SLC25A26: variants seen among roughly 807,000 people sequenced by gnomAD.
The protein encoded by SLC25A26 is solute carrier family 25 member 26, also known as mitochondrial S-adenosylmethionine carrier protein.
Under a neutral mutation model 37.8 loss-of-function variants are expected in SLC25A26, and 36 were observed. The observed-to-expected ratio is 0.95, with a 90% CI of 0.73 to 1.26. SLC25A26 has a LOEUF of 1.26. Ranked by LOEUF, SLC25A26 falls within the 50% of genes most tolerant of loss-of-function variation. The pLI is 0.00. For synonymous variants in SLC25A26, 129 were observed against 122.5 expected, an observed-to-expected ratio of 1.05 and a Z score of -0.35; for missense variants, 390 against 331.1, an observed-to-expected ratio of 1.18 and a Z score of -1.38.
At chr3:66,138,487 A>G (rs2069982194) in intron 1 of SLC25A26, among the ~76,000 whole-genome samples, 1 of 151,878 alleles carries the variant, frequency 6.6e-6, no homozygotes, top group Non-Finnish European at 1.5e-5. Context: ...CTTGGCACTC[A>G]AAATCCATCC....
chr3:66,350,640 A>G (rs749417300), intron 6 of SLC25A26, among the ~76,000 whole-genome samples: 5 of 152,160 alleles, frequency 3.3e-5, no homozygotes, highest in African/African-American at 9.6e-5. Context: ...TTGGCATTCA[A>G]GTTTCTCAAC....
At chr3:66,372,455 C>G (rs1700399007) in intron 9 of SLC25A26, among the ~76,000 whole-genome samples, 1 of 152,186 alleles carries the variant, frequency 6.6e-6, no homozygotes, top group South Asian at 2.1e-4. Context: ...ATGTCTTATA[C>G]TTGACGTTAT....
At chr3:66,177,866 A>G (rs543803401) in intron 1 of SLC25A26, among the ~76,000 whole-genome samples, 1 of 152,344 alleles carries the variant, frequency 6.6e-6, no homozygotes. Flanking sequence ...GGCCACCCAG[A>G]AAGGTGTTGA....
chr3:66,293,407 G>A (rs1171314880), intron 5 of SLC25A26, among the ~76,000 whole-genome samples: 4 of 151,214 alleles, frequency 2.6e-5, no homozygotes, highest in African/African-American at 4.9e-5. Context: ...TTAGGTTCAG[G>A]GGTACATGTA....
intron 2 of SLC25A26, among the ~76,000 whole-genome samples, chr3:66,241,986 G>C (rs2072607873): frequency 6.6e-6 from 1 of 151,486 alleles, no homozygotes; most frequent in African/African-American, 2.4e-5. Flanking sequence ...GCTTTAACTT[G>C]TTCAGCCCCC....
intron 1 of SLC25A26, among the ~76,000 whole-genome samples, chr3:66,150,342 A>G (rs1045697703): frequency 2.0e-5 from 3 of 150,742 alleles, no homozygotes; most frequent in African/African-American, 7.3e-5. Flanking sequence ...TACTAAAAAT[A>G]CAAAAATTAG....
chr3:66,352,567 T>A (rs2076483489), intron 6 of SLC25A26, among the ~76,000 whole-genome samples: 1 of 152,012 alleles, frequency 6.6e-6, no homozygotes, highest in African/African-American at 2.4e-5. Flanking sequence ...TTTGATTTTT[T>A]TCATATTTTT....
chr3:66,180,778 T>C (rs2070688854), intron 1 of SLC25A26, among the ~76,000 whole-genome samples: 1 of 152,084 alleles, frequency 6.6e-6, no homozygotes, highest in Non-Finnish European at 1.5e-5. Context: ...ATCTATTGCT[T>C]GTCTGTTATG....
intron 5 of SLC25A26, among the ~76,000 whole-genome samples, chr3:66,298,070 C>G (rs371036553): frequency 3.0e-4 from 46 of 152,320 alleles, no homozygotes; most frequent in African/African-American, 1.1e-3. Context: ...AATGCAGAAT[C>G]TAAGTCCCCA....
chr3:66,233,135 G>A (rs2072112284), intron 1 of SLC25A26, among the ~76,000 whole-genome samples: 1 of 152,370 alleles, frequency 6.6e-6, no homozygotes, highest in South Asian at 2.1e-4. Context: ...TTTTGCCCTA[G>A]AGGGGAGCAG....
intron 5 of SLC25A26, among the ~76,000 whole-genome samples, chr3:66,273,655 T>A (rs1234017278): frequency 4.6e-5 from 7 of 151,960 alleles, no homozygotes; most frequent in African/African-American, 9.7e-5. Context: ...CACAATTGCT[T>A]CAAAGAGAAT....
At chr3:66,307,534 G>A (rs1040366850) in intron 5 of SLC25A26, among the ~76,000 whole-genome samples, 2 of 152,128 alleles carry the variant, frequency 1.3e-5, no homozygotes, top group African/African-American at 4.8e-5. Context: ...AATTTTGGCT[G>A]TTGTTGCCGT....
At chr3:66,325,501 G>C (rs1161594984) in intron 5 of SLC25A26, among the ~76,000 whole-genome samples, 3 of 152,192 alleles carry the variant, frequency 2.0e-5, no homozygotes, top group African/African-American at 7.2e-5. Context: ...AATGTAATGA[G>C]TGCTTTATAG....
At chr3:66,303,156 C>G (rs908285254) in intron 5 of SLC25A26, among the ~76,000 whole-genome samples, 7 of 152,162 alleles carry the variant, frequency 4.6e-5, no homozygotes, top group African/African-American at 1.7e-4. Context: ...TTTAATACTG[C>G]TTTTAGTCTT....
intron 5 of SLC25A26, among the ~76,000 whole-genome samples, chr3:66,314,564 G>A (rs1229217371): frequency 2.6e-5 from 4 of 152,058 alleles, no homozygotes; most frequent in Non-Finnish European, 5.9e-5. Context: ...CAGGGATATT[G>A]GACTGAAGTT....
chr3:66,281,080 A>G (rs1407769531), intron 5 of SLC25A26, among the ~76,000 whole-genome samples: 1 of 152,136 alleles, frequency 6.6e-6, no homozygotes, highest in African/African-American at 2.4e-5. Flanking sequence ...TATTTCCTCC[A>G]TGACATAGAC....
chr3:66,248,038 AGATT>A (rs1328215281), intron 3 of SLC25A26, among the ~76,000 whole-genome samples: 10 of 152,236 alleles, frequency 6.6e-5, no homozygotes, highest in Admixed American at 6.5e-4. Flanking sequence ...TTGCTTTGAT[AGATT>A]ATTATGTTAG....
At chr3:66,221,327 TC>T (rs2071483928) in intron 1 of SLC25A26, among the ~76,000 whole-genome samples, 200 bp downstream of exon 1, 1 of 152,208 alleles carries the variant, frequency 6.6e-6, no homozygotes, top group Non-Finnish European at 1.5e-5. Context: ...TACTGCCAGG[TC>T]ATAAGAGCCA....
intron 5 of SLC25A26, among the ~76,000 whole-genome samples, chr3:66,308,466 C>A (rs754090499): frequency 6.6e-6 from 1 of 152,186 alleles, no homozygotes; most frequent in East Asian, 1.9e-4. Flanking sequence ...ATTTGACTTC[C>A]TCTCTTCCTA....
Sources: allele counts gnomAD v4.1 joint callset (sites outside exome capture counted in the v4.1 genomes callset), GRCh38; gene constraint gnomAD v4.1.1; transcripts MANE v1.5; gene names NCBI Gene and HGNC (gene_info 2026-07-23, HGNC 2026-07-21).